Variants in SGK1 observed in about 807,000 individuals in gnomAD.
SGK1 encodes serum/glucocorticoid regulated kinase 1.
In SGK1, 26 loss-of-function variants were observed where a neutral mutation model predicts 64.2. The observed-to-expected ratio is 0.40, with a 90% CI of 0.30 to 0.56. SGK1 has a LOEUF of 0.56. Among genes scored for constraint, SGK1 ranks in the 20% least tolerant of loss-of-function variants. The pLI, the probability that SGK1 is intolerant of heterozygous loss-of-function variation, is 0.38. For missense variants in SGK1, 519 were observed against 645.6 expected (o/e 0.80, Z 2.12); for synonymous variants, 265 against 239.7 (o/e 1.11, Z -0.98).
At chr6:134,306,916 G>GA (rs1777544004) in intron 1 of SGK1, among the ~76,000 whole-genome samples, 2 of 146,688 alleles carry the variant, frequency 1.4e-5, no homozygotes, top group South Asian at 4.5e-4. Context: ...ATAAAAGGGG[G>GA]GGGGGGCGGA....
At chr6:134,263,564 A>G (rs1776800406) in intron 1 of SGK1, among the ~76,000 whole-genome samples, 1 of 152,136 alleles carries the variant, frequency 6.6e-6, no homozygotes, top group South Asian at 2.1e-4. Context: ...ATTATAAAAG[A>G]AATTGCTTCT....
At chr6:134,263,705 T>C (rs1245840338) in intron 1 of SGK1, among the ~76,000 whole-genome samples, 1 of 152,196 alleles carries the variant, frequency 6.6e-6, no homozygotes, top group African/African-American at 2.4e-5. Context: ...ATGGTATTTA[T>C]ACAGCATTTC....
chr6:134,296,688 T>C (rs1777352205), intron 1 of SGK1, among the ~76,000 whole-genome samples: 1 of 151,552 alleles, frequency 6.6e-6, no homozygotes, highest in Non-Finnish European at 1.5e-5. Context: ...TAAAGGATAA[T>C]TATTGTAGAA....
At chr6:134,170,663 G>A (rs1774986155) in intron 13 of SGK1, 163 bp downstream of exon 13, 1 of 694,558 alleles carries the variant, frequency 1.4e-6, no homozygotes. Flanking sequence ...AATTATGGGA[G>A]CCTTGTTGGG....
chr6:134,182,530 C>T (rs1218160279), intron 3 of SGK1, among the ~76,000 whole-genome samples: 2 of 151,638 alleles, frequency 1.3e-5, no homozygotes, highest in Admixed American at 6.6e-5. Flanking sequence ...ATTTAGTAAG[C>T]GCCTCTCTCA....
intron 1 of SGK1, among the ~76,000 whole-genome samples, chr6:134,312,211 G>A (rs867979011): frequency 3.3e-5 from 5 of 152,294 alleles, no homozygotes. Context: ...TATAAAATGG[G>A]CATAATGAAG....
At position 134,262,134 on chromosome 6, in the gene SGK1, G is replaced by C. The variant is rs1233968230; in HGVS notation, c.84C>G (p.Ile28Met). 1 of 1,586,598 alleles carries C rather than the reference G, an allele frequency of 6.3e-7. No individual in the cohort carries two copies. Among genetic ancestry groups the C allele is most frequent in the Admixed American group, 1.8e-5 (1 of 56,974 alleles). The change falls in exon 2 of 14, where the codon ATC becomes ATG. Residue 28 changes from isoleucine to methionine, a missense_variant. This residue lies in a region of SGK1 where 241 missense variants were observed against 236.9 expected (regional missense o/e 1.02). Transcript: ENST00000367858. ...TGTCCACACTGACCATTGGGCTCTT[G>C]ATCCACCTTCGTACCTGCAATGTGC... ...QFFKKRVRRW[I>M]KSPMVSVDKH...
chr6:134,175,660 A>G (rs757551967), intron 3 of SGK1: 25 of 1,496,932 alleles, frequency 1.7e-5, no homozygotes, highest in African/African-American at 5.8e-5. Flanking sequence ...CATCTCCCCC[A>G]TGGGCAGCGG....
intron 1 of SGK1, among the ~76,000 whole-genome samples, chr6:134,312,001 G>T (rs1464403185): frequency 1.3e-5 from 2 of 152,128 alleles, no homozygotes; most frequent in South Asian, 2.1e-4. Context: ...CACCTCTTTG[G>T]GTTGTCTTCA....
rs575163057 is a variant in SGK1 at position 134,307,088 on chromosome 6, T to A, written c.69+10304A>T. Among the ~76,000 whole-genome samples the A allele has an allele frequency of 3.1e-3, 477 of 152,096 alleles. 3 individuals carry two copies. The highest frequency in any genetic ancestry group is 5.7e-3 in the Non-Finnish European group (386 of 67,994). On this transcript the variant is annotated intron_variant, in intron 1 of 13. Coordinates refer to ENST00000367858, the MANE Select transcript of SGK1 (RefSeq NM_001143676.3). Reference sequence around the variant, plus strand: ...GCCAAGGTACTAGATGAAAAAAAAATTATACATTCTGAAATTCCATCTGAT... The same window carrying A: ...GCCAAGGTACTAGATGAAAAAAAAAATATACATTCTGAAATTCCATCTGAT...
At chr6:134,277,190 T>C (rs1376846771) in intron 1 of SGK1, among the ~76,000 whole-genome samples, 5 of 152,032 alleles carry the variant, frequency 3.3e-5, no homozygotes, top group Admixed American at 3.3e-4. Flanking sequence ...GGTGTGGTAG[T>C]GGGTGCCTTT....
At chr6:134,215,478 T>C (rs972971117) in intron 2 of SGK1, among the ~76,000 whole-genome samples, 10 of 152,068 alleles carry the variant, frequency 6.6e-5, no homozygotes, top group Non-Finnish European at 1.5e-4. Context: ...ATTCCATGAA[T>C]TGTTTCCAGT....
intron 2 of SGK1, among the ~76,000 whole-genome samples, chr6:134,208,458 C>T (rs908957841): frequency 4.0e-5 from 6 of 151,856 alleles, no homozygotes; most frequent in African/African-American, 7.2e-5. Flanking sequence ...TGGTAATCTC[C>T]GAGATTTTGG....
chr6:134,243,317 C>T (rs1477520449), intron 2 of SGK1, among the ~76,000 whole-genome samples: 3 of 151,916 alleles, frequency 2.0e-5, no homozygotes, highest in Non-Finnish European at 2.9e-5. Flanking sequence ...CCTTTGGAAA[C>T]ATTTTCATTG....
At chr6:134,305,314 G>A (rs558330446) in intron 1 of SGK1, among the ~76,000 whole-genome samples, 1 of 137,798 alleles carries the variant, frequency 7.3e-6, no homozygotes, top group Non-Finnish European at 1.5e-5. Context: ...AACCAAAATC[G>A]CGCCCACTGC....
chr6:134,204,013 G>C (rs1031167007), intron 3 of SGK1, among the ~76,000 whole-genome samples: 2 of 150,868 alleles, frequency 1.3e-5, no homozygotes, highest in African/African-American at 4.9e-5. Context: ...GCAGTGAGCC[G>C]AGCCGAGATC....
At position 134,232,943 on chromosome 6, in the gene SGK1, G is replaced by C. The variant is rs143331654; in HGVS notation, c.286-25512C>G. On this transcript the variant is annotated intron_variant, in intron 2 of 13. Transcript: ENST00000367858. ...ATTGTGTTCATGTAGTGGGAGTACG[G>C]ATGCTCTTGTTTTCTATTTCTTCAA... 3.4e-4 allele frequency among the ~76,000 whole-genome samples: 51 copies of C among 151,880 alleles called. No individual in the cohort carries two copies. The South Asian group carries it at 5.4e-3, about 16-fold the overall frequency.
At chr6:134,200,167 AAC>A (rs1775658943) in intron 3 of SGK1, among the ~76,000 whole-genome samples, 1 of 152,240 alleles carries the variant, frequency 6.6e-6, no homozygotes. Flanking sequence ...AACAGGAAAG[AAC>A]CTAAACTTGT....
At chr6:134,192,905 T>TC (rs1775538174) in intron 3 of SGK1, among the ~76,000 whole-genome samples, 2 of 152,210 alleles carry the variant, frequency 1.3e-5, no homozygotes, top group East Asian at 3.9e-4. Context: ...CACCTGCACC[T>TC]CTTTGAGGGC....
Sources: gnomAD v4.1 joint callset for allele counts (sites outside exome capture counted in the v4.1 genomes callset) on GRCh38, gnomAD v4.1.1 for gene constraint, gnomAD v4.1.1 regional missense constraint, MANE v1.5 for transcripts, NCBI Gene and HGNC (gene_info 2026-07-23, HGNC 2026-07-21) for gene names.